EDA: variants seen among roughly 807,000 people sequenced by gnomAD.
The protein encoded by EDA is ectodysplasin-A.
Under a neutral mutation model 23.6 loss-of-function variants are expected in EDA, and 2 were observed. The ratio of observed to expected loss-of-function variants is 0.08; its 90% confidence interval spans 0.03 to 0.27. The LOEUF (loss-of-function observed/expected upper bound fraction) is 0.27. Among genes scored for constraint, EDA ranks in the 10% least tolerant of loss-of-function variants. EDA has a pLI of 1.00. For synonymous variants in EDA, 131 were observed against 132.0 expected, an observed-to-expected ratio of 0.99 and a Z score of 0.05; for missense variants, 229 against 324.2, an observed-to-expected ratio of 0.71 and a Z score of 2.26.
intron 1 of EDA, among the ~76,000 whole-genome samples, chrX:69,833,309 T>G (rs1205560419): frequency 8.1e-5 from 9 of 111,761 alleles, no homozygotes; most frequent in Admixed American, 6.7e-4. Flanking sequence ...ATGTGGTTTT[T>G]TTGTTGTTGT....
intron 1 of EDA, among the ~76,000 whole-genome samples, chrX:69,789,128 G>T (rs2015313875): frequency 8.9e-6 from 1 of 112,214 alleles, no homozygotes; most frequent in Non-Finnish European, 1.9e-5. Context: ...CCCAAGTGAG[G>T]CAATGCCTCG....
intron 1 of EDA, among the ~76,000 whole-genome samples, chrX:69,919,220 G>A (rs983204587): frequency 3.6e-5 from 4 of 112,182 alleles, no homozygotes; most frequent in African/African-American, 6.5e-5. Context: ...TGACTAAGGG[G>A]GAAGAGGGTG....
At chrX:69,747,546 G>C (rs550940136) in intron 1 of EDA, among the ~76,000 whole-genome samples, 23 of 112,313 alleles carry the variant, frequency 2.0e-4, no homozygotes, top group African/African-American at 7.1e-4. Context: ...CATGATTACT[G>C]TCTGCAGAGT....
At chrX:69,787,658 T>C (rs374678157) in intron 1 of EDA, among the ~76,000 whole-genome samples, 25 of 111,683 alleles carry the variant, frequency 2.2e-4, no homozygotes, top group East Asian at 2.0e-3. Flanking sequence ...TGCCGAGAGA[T>C]CCGTTGTTAG....
intron 1 of EDA, among the ~76,000 whole-genome samples, chrX:69,847,662 C>T (rs1363056108): frequency 9.0e-6 from 1 of 111,719 alleles, no homozygotes; most frequent in Admixed American, 9.6e-5. Flanking sequence ...AAGTTGTATT[C>T]CGTTGTTTGA....
At chrX:70,012,251 C>G (rs886598775) in intron 2 of EDA, among the ~76,000 whole-genome samples, 5 of 112,006 alleles carry the variant, frequency 4.5e-5, no homozygotes, top group Admixed American at 2.8e-4. Context: ...TGATAGTGCT[C>G]TGAATAGGTA....
chrX:70,007,726 G>A (rs767022456), intron 2 of EDA, among the ~76,000 whole-genome samples: 49 of 111,260 alleles, frequency 4.4e-4, no homozygotes, highest in South Asian at 1.2e-3. Flanking sequence ...TCCTATCCAC[G>A]AACATTGATC....
At chrX:69,933,048 A>C (rs1398986595) in intron 1 of EDA, among the ~76,000 whole-genome samples, 1 of 110,550 alleles carries the variant, frequency 9.0e-6, no homozygotes, top group Non-Finnish European at 1.9e-5. Flanking sequence ...AGAGGCCATT[A>C]GTTCCCTTTA....
At chrX:69,860,714 C>A in intron 1 of EDA, 6 of 496,945 alleles carry the variant, frequency 1.2e-5, no homozygotes, top group Non-Finnish European at 1.8e-5. Flanking sequence ...TTGGGGTCGA[C>A]CTTCTCAAAG....
At chrX:69,919,180 G>T (rs980193667) in intron 1 of EDA, among the ~76,000 whole-genome samples, 3 of 111,929 alleles carry the variant, frequency 2.7e-5, no homozygotes, top group Non-Finnish European at 5.6e-5. Flanking sequence ...AAGATTAAAA[G>T]AATTTTGTCT....
intron 1 of EDA, among the ~76,000 whole-genome samples, chrX:69,852,299 T>C (rs1272646931): frequency 9.0e-6 from 1 of 111,638 alleles, no homozygotes; most frequent in East Asian, 2.8e-4. Context: ...CTGGCTAATA[T>C]TGTATTTTTA....
At chrX:69,713,923 G>GTT (rs58781092) in intron 1 of EDA, among the ~76,000 whole-genome samples, 9 of 99,649 alleles carry the variant, frequency 9.0e-5, no homozygotes, top group Admixed American at 1.1e-4. Flanking sequence ...TGCATGTTTA[G>GTT]TTTTTTTTTT....
At chrX:69,791,616 A>T (rs1171449495) in intron 1 of EDA, among the ~76,000 whole-genome samples, 2 of 112,420 alleles carry the variant, frequency 1.8e-5, no homozygotes, top group Non-Finnish European at 3.8e-5. Flanking sequence ...CTAATTTTAT[A>T]GAAATTTTAT....
In EDA at chrX:69,924,063, T is replaced by C. The variant is rs2018476735; in HGVS notation, c.397-32964T>C. Among the ~76,000 whole-genome samples the C allele has an allele frequency of 2.7e-5, 3 of 111,732 alleles. No individual in the cohort carries two copies. In the South Asian group the frequency reaches 1.1e-3, roughly 42 times the overall value. Reference sequence around the variant, plus strand: ...TCAGTTCCTTGTAAATTCTGGATATTAGACCTTTGTCAGATGGGTAGATCG... The same window carrying C: ...TCAGTTCCTTGTAAATTCTGGATATCAGACCTTTGTCAGATGGGTAGATCG... On this transcript the variant is annotated intron_variant, in intron 1 of 7. Coordinates refer to ENST00000374552, the MANE Select transcript of EDA (RefSeq NM_001399.5).
rs1318452195 is a variant in EDA, at chrX:69,616,167, C to T, written c.-142C>T. 7.2e-6 allele frequency: 5 copies of T among 698,015 alleles called. No homozygotes were observed. The Admixed American group carries it at 9.5e-5, about 13-fold the overall frequency. 57.5% of individuals were successfully genotyped at this position (698,015 alleles called of 1,213,427 possible). A position where few individuals can be genotyped will look rare whatever the true frequency, so the allele number is the denominator to read the frequency against. ...ACATGCGGCTGCTCCCTGCTCCGTC[C>T]CGCCCAGCCACTGTCGCGCAGGAAC... is the stretch of plus-strand genomic sequence containing the variant. On this transcript the variant is annotated 5_prime_UTR_variant, in exon 1 of 8. Transcript: ENST00000374552.
chrX:69,657,078 G>C (rs989089590), intron 1 of EDA, among the ~76,000 whole-genome samples: 2 of 112,033 alleles, frequency 1.8e-5, no homozygotes, highest in Non-Finnish European at 3.8e-5. Flanking sequence ...TCTTCTAACT[G>C]CATTTCACAG....
Position 70,035,703 on chromosome X carries a change from T to C in EDA, c.*94T>C, listed in dbSNP as rs1389413568. On this transcript the variant is annotated 3_prime_UTR_variant, in exon 8 of 8. Transcript: ENST00000374552. ...AAGTGCTGCTGTGGAGTGAGGTGTATTGGTGTTGCAGCCGCAGAGAAATGC... is the reference window on the plus strand; with the variant it reads ...AAGTGCTGCTGTGGAGTGAGGTGTACTGGTGTTGCAGCCGCAGAGAAATGC... 6.6e-6 allele frequency: 7 copies of C among 1,057,298 alleles called. No homozygotes were observed. The highest frequency in any genetic ancestry group is 9.1e-6 in the Non-Finnish European group (7 of 768,812). The allele number at this position is 1,057,298 out of a possible 1,213,427, so 87.1% of individuals were successfully genotyped here.
chrX:70,024,272 C>T (rs1466315035), intron 3 of EDA, among the ~76,000 whole-genome samples: 1 of 112,275 alleles, frequency 8.9e-6, no homozygotes, highest in African/African-American at 3.2e-5. Flanking sequence ...TCTTTGAACA[C>T]TAGGGTACTC....
At chrX:69,622,744 T>C (rs1165798548) in intron 1 of EDA, among the ~76,000 whole-genome samples, 1 of 112,139 alleles carries the variant, frequency 8.9e-6, no homozygotes, top group East Asian at 2.8e-4. Context: ...TAGTGTTTTC[T>C]GTGTCCCATT....
Sources: gnomAD v4.1 joint callset for allele counts (sites outside exome capture counted in the v4.1 genomes callset) on GRCh38, gnomAD v4.1.1 for gene constraint, MANE v1.5 for transcripts, NCBI Gene and HGNC (gene_info 2026-07-23, HGNC 2026-07-21) for gene names.